Variants in IQCM observed in about 807,000 individuals in gnomAD.
The protein encoded by IQCM is IQ domain-containing protein M.
Under a neutral mutation model 57.6 loss-of-function variants are expected in IQCM, and 45 were observed. The observed-to-expected ratio is 0.78, with a 90% CI of 0.62 to 1.00. The LOEUF is 1.00. IQCM is among the 50% of genes least tolerant of loss of function. IQCM has a pLI of 0.00. For synonymous variants in IQCM, 148 were observed against 158.9 expected, an observed-to-expected ratio of 0.93 and a Z score of 0.51; for missense variants, 468 against 511.6, an observed-to-expected ratio of 0.91 and a Z score of 0.82.
Position 149,502,652 on chromosome 4 carries a change from T to G in IQCM, c.1228+45803A>C, listed in dbSNP as rs573369862. Among the ~76,000 whole-genome samples, 225 of 151,612 alleles carry G rather than the reference T, an allele frequency of 1.5e-3. 1 individual carries two copies. The highest frequency in any genetic ancestry group is 5.3e-3 in the African/African-American group (218 of 41,360). On this transcript the variant is annotated intron_variant, in intron 12 of 13. Transcript: ENST00000636793. ...TCACGCCACTGCACTCCAGCCTGGG[T>G]GAGAGAATGAGACCCTCTCTCAAAA...
chr4:149,547,613 C>G (rs908557230), intron 12 of IQCM, among the ~76,000 whole-genome samples: 1 of 152,046 alleles, frequency 6.6e-6, no homozygotes, highest in African/African-American at 2.4e-5. Flanking sequence ...TATTGATTAC[C>G]TGAAATTAGC....
At chr4:149,807,908 C>CA (rs1340105171) in intron 2 of IQCM, among the ~76,000 whole-genome samples, 1 of 151,882 alleles carries the variant, frequency 6.6e-6, no homozygotes, top group Non-Finnish European at 1.5e-5. Context: ...ATTAAAAAGA[C>CA]AAAAAATAAC....
chr4:149,780,480 G>A (rs530879244), intron 2 of IQCM, among the ~76,000 whole-genome samples: 1 of 151,554 alleles, frequency 6.6e-6, no homozygotes, highest in Non-Finnish European at 1.5e-5. Flanking sequence ...AACCCAACAT[G>A]AACAATGAGG....
At chr4:149,726,400 T>C (rs1263506590) in intron 5 of IQCM, among the ~76,000 whole-genome samples, 3 of 152,196 alleles carry the variant, frequency 2.0e-5, no homozygotes, top group African/African-American at 7.2e-5. Context: ...TAAGCTGTCC[T>C]TGCTCCTTTC....
chr4:149,626,426 T>C (rs539630362), intron 7 of IQCM, among the ~76,000 whole-genome samples: 24 of 80,288 alleles, frequency 3.0e-4, no homozygotes, highest in African/African-American at 1.0e-3. Context: ...AAATAAGACA[T>C]ACTATTTTGC....
intron 12 of IQCM, among the ~76,000 whole-genome samples, chr4:149,524,866 T>G (rs7662394): frequency 0.99 from 150,524 of 151,718 alleles, 74,686 homozygotes; most frequent in Non-Finnish European, 1. Flanking sequence ...AAAACAATTT[T>G]ATTGTAATAT....
At chr4:149,814,334 G>C (rs886094496) in intron 2 of IQCM, among the ~76,000 whole-genome samples, 4 of 151,926 alleles carry the variant, frequency 2.6e-5, no homozygotes, top group Admixed American at 6.6e-5. Context: ...TTACAAGCCT[G>C]TAACTTCCTC....
chr4:149,716,158 C>A (rs1020886875), intron 5 of IQCM, among the ~76,000 whole-genome samples: 4 of 152,222 alleles, frequency 2.6e-5, no homozygotes, highest in African/African-American at 9.6e-5. Context: ...GCACCCACAG[C>A]ACCCAAGCTG....
chr4:149,769,620 A>T (rs559014498), intron 2 of IQCM, among the ~76,000 whole-genome samples: 10 of 151,590 alleles, frequency 6.6e-5, no homozygotes, highest in African/African-American at 2.4e-4. Context: ...TAATCAAAAT[A>T]AAAAAATGGA....
intron 2 of IQCM, among the ~76,000 whole-genome samples, chr4:149,809,622 C>A (rs1774378458): frequency 6.6e-6 from 1 of 152,156 alleles, no homozygotes; most frequent in Non-Finnish European, 1.5e-5. Context: ...GCTTGATACA[C>A]AGGCAACACC....
intron 13 of IQCM, among the ~76,000 whole-genome samples, chr4:149,368,780 ACATG>A (rs1408474776): frequency 5.9e-5 from 7 of 117,966 alleles, no homozygotes; most frequent in Non-Finnish European, 1.1e-4. Flanking sequence ...ACATATATAT[ACATG>A]TATATATATA....
chr4:149,398,433 C>T lies in IQCM; in HGVS notation c.1390+34963G>A, dbSNP rs190064867. Among the ~76,000 whole-genome samples the T allele has an allele frequency of 2.2e-3, 327 of 151,868 alleles. 4 individuals are homozygous for T. The highest frequency in any genetic ancestry group is 7.4e-3 in the African/African-American group (306 of 41,450). On this transcript the variant is annotated intron_variant, in intron 13 of 13. Transcript: ENST00000636793. The stretch of plus-strand genomic sequence containing the variant: ...GATTTTGATAGAGATACATTGAATC[C>T]GTAGGTCACTTTGCTAGTATAGACA...
chr4:149,659,173 T>C (rs1008188849), intron 7 of IQCM, among the ~76,000 whole-genome samples: 2 of 151,918 alleles, frequency 1.3e-5, no homozygotes, highest in Admixed American at 1.3e-4. Flanking sequence ...GTTTTTTGTG[T>C]CTCTATACAC....
chr4:149,727,657 AC>A (rs1165484975), intron 5 of IQCM, among the ~76,000 whole-genome samples: 1 of 152,120 alleles, frequency 6.6e-6, no homozygotes, highest in African/African-American at 2.4e-5. Flanking sequence ...AAGGGAGGAA[AC>A]ATTTATCCAC....
chr4:149,364,771 A>C (rs1729722078), intron 13 of IQCM, among the ~76,000 whole-genome samples: 1 of 152,214 alleles, frequency 6.6e-6, no homozygotes, highest in African/African-American at 2.4e-5. Context: ...GATTACCTAC[A>C]GAAAAATATT....
chr4:149,657,914 T>C (rs1759779044), intron 7 of IQCM, among the ~76,000 whole-genome samples: 1 of 152,136 alleles, frequency 6.6e-6, no homozygotes, highest in Admixed American at 6.6e-5. Context: ...GTCAGATATA[T>C]AGTTTGCAAA....
intron 12 of IQCM, among the ~76,000 whole-genome samples, chr4:149,470,237 T>C (rs760754604): frequency 6.6e-6 from 1 of 150,902 alleles, no homozygotes; most frequent in Non-Finnish European, 1.5e-5. Flanking sequence ...CCATCTCACA[T>C]GCAGAGACAC....
At position 149,571,178 on chromosome 4, in the gene IQCM, A is replaced by G. The variant is rs1291813473; in HGVS notation, c.750-7288T>C. On this transcript the variant is annotated intron_variant, in intron 9 of 13. Transcript: ENST00000636793. ...AAAGGAAATGAAATCAGTTTGTCAG[A>G]GATAACTGCACCACCGTGCTCACTG... 2.0e-5 allele frequency among the ~76,000 whole-genome samples: 3 copies of G among 152,088 alleles called. No individual in the cohort carries two copies. The East Asian group carries it at 5.8e-4, about 29-fold the overall frequency.
rs141189547 is a variant in IQCM at position 149,404,102 on chromosome 4, C to T, written c.1390+29294G>A. ...GGATACACAGAGTAAGACAGAATTT[C>T]TTCCCTTAAAGAACTCTCACCTCTT... is the stretch of plus-strand genomic sequence containing the variant. On this transcript the variant is annotated intron_variant, in intron 13 of 13. Coordinates refer to ENST00000636793, the MANE Select transcript of IQCM (RefSeq NM_001363507.2). 2.0e-5 allele frequency among the ~76,000 whole-genome samples: 3 copies of T among 152,114 alleles called. No homozygotes were observed. The East Asian group carries it at 5.8e-4, about 30-fold the overall frequency.
Sources: gnomAD v4.1 joint callset for allele counts (sites outside exome capture counted in the v4.1 genomes callset) on GRCh38, gnomAD v4.1.1 for gene constraint, MANE v1.5 for transcripts, NCBI Gene and HGNC (gene_info 2026-07-23, HGNC 2026-07-21) for gene names.